Variants in HMCN1 observed in about 807,000 individuals in gnomAD.
HMCN1 encodes hemicentin-1.
A neutral mutation model predicts 625.9 loss-of-function variants in HMCN1; 321 were observed. The observed-to-expected ratio is 0.51, with a 90% confidence interval of 0.47 to 0.56. The LOEUF (loss-of-function observed/expected upper bound fraction) is 0.56, where lower values mean the gene tolerates loss of function less well. Ranked by LOEUF, HMCN1 falls within the 20% of genes least tolerant of loss-of-function variation. The probability of loss-of-function intolerance (pLI) is 0.00; values close to 1 mark genes in which losing one functional copy is unlikely to be tolerated. For synonymous variants in HMCN1, 2,425 were observed against 2,417.6 expected (o/e 1.00, Z -0.09); for missense variants, 6,588 against 6,887.3 (o/e 0.96, Z 1.54).
chr1:186,152,368 C>A (rs1650728451), intron 95 of HMCN1, among the ~76,000 whole-genome samples: 1 of 152,174 alleles, frequency 6.6e-6, no homozygotes, highest in African/African-American at 2.4e-5. Flanking sequence ...TTTTCATGGG[C>A]ATCCACTTAC....
intron 15 of HMCN1, among the ~76,000 whole-genome samples, chr1:185,976,393 AGTTGGAGGAG>A (rs969063239): frequency 9.2e-5 from 14 of 152,126 alleles, no homozygotes; most frequent in African/African-American, 3.4e-4. Flanking sequence ...GAGGCTGCAA[AGTTGGAGGAG>A]GTTCTTTAAC....
chr1:185,814,515 A>G (rs1386821580), intron 1 of HMCN1, among the ~76,000 whole-genome samples: 1 of 152,140 alleles, frequency 6.6e-6, no homozygotes, highest in Non-Finnish European at 1.5e-5. Flanking sequence ...CTAAAACAAT[A>G]ACTTAACCTA....
At chr1:186,159,783 G>T (rs1461163793) in intron 97 of HMCN1, among the ~76,000 whole-genome samples, 1 of 152,186 alleles carries the variant, frequency 6.6e-6, no homozygotes, top group Non-Finnish European at 1.5e-5. Flanking sequence ...CTTGATCATG[G>T]TGGATAAGCT....
At position 185,921,242 on chromosome 1, in the gene HMCN1, T is replaced by C. The variant is rs1334281053; in HGVS notation, c.901-1137T>C. Among the ~76,000 whole-genome samples, 10 of 152,324 alleles carry C rather than the reference T, an allele frequency of 6.6e-5. No homozygotes were observed. The East Asian group carries it at 1.7e-3, about 26-fold the overall frequency. On this transcript the variant is annotated intron_variant, in intron 6 of 106. Transcript: ENST00000271588. Reference sequence around the variant, plus strand: ...GCTAAGAATATAGCAACAGCTTTCATGATGATGGGTTTTTTTCTTCTTTCT... The same window carrying C: ...GCTAAGAATATAGCAACAGCTTTCACGATGATGGGTTTTTTTCTTCTTTCT...
At chr1:186,112,178 T>C (rs968950170) in intron 71 of HMCN1, among the ~76,000 whole-genome samples, 9 of 152,220 alleles carry the variant, frequency 5.9e-5, no homozygotes, top group African/African-American at 1.9e-4. Context: ...TTTGTGGTGG[T>C]TTATTTGCTT....
At chr1:185,933,116 C>A (rs1033020799) in intron 10 of HMCN1, among the ~76,000 whole-genome samples, 2 of 152,066 alleles carry the variant, frequency 1.3e-5, no homozygotes, top group Admixed American at 1.3e-4. Flanking sequence ...CTGTAACCCC[C>A]CTTAAAGATG....
In HMCN1 at chr1:186,078,138, A is replaced by C. The variant is rs931359585; in HGVS notation, c.8517A>C (p.Lys2839Asn). The C allele has an allele frequency of 6.2e-7, 1 of 1,613,698 alleles. No individual in the cohort carries two copies. Among genetic ancestry groups the C allele is most frequent in the African/African-American group, 1.3e-5 (1 of 74,932 alleles). Residue 2839 changes from lysine to asparagine, a missense_variant, in exon 55 of 107, where the codon AAA (lysine) becomes AAC (asparagine). Around this residue, in one of 3 missense-constraint regions of HMCN1, gnomAD observed 4,628 missense variants for 4,853.1 expected, o/e 0.95. Coordinates refer to ENST00000271588, the MANE Select transcript of HMCN1 (RefSeq NM_031935.3). The stretch of plus-strand genomic sequence containing the variant: ...GAGTGTTGCAGATTCCTCGGGCTAA[A>C]GTAGAAGATGCTGGGAGATACACAT... ...GGRVLQIPRA[K>N]VEDAGRYTCV...
intron 1 of HMCN1, among the ~76,000 whole-genome samples, chr1:185,772,560 A>G (rs560240259): frequency 6.6e-6 from 1 of 152,110 alleles, no homozygotes; most frequent in African/African-American, 2.4e-5. Context: ...ATATGTTTGT[A>G]TTGGGTATTC....
chr1:186,165,872 T>A (rs1351422374), intron 98 of HMCN1, among the ~76,000 whole-genome samples: 1 of 152,076 alleles, frequency 6.6e-6, no homozygotes, highest in Non-Finnish European at 1.5e-5. Context: ...AATACTTATC[T>A]CCTAGGAATT....
chr1:185,934,137 T>A (rs779312888), intron 11 of HMCN1, among the ~76,000 whole-genome samples: 47 of 152,322 alleles, frequency 3.1e-4, no homozygotes, highest in South Asian at 2.3e-3. Flanking sequence ...TGGATTTTTT[T>A]AAAAAATACT....
At chr1:186,001,203 A>G in intron 26 of HMCN1, 95 bp from the exon 27 acceptor site, 1 of 1,070,608 alleles carries the variant, frequency 9.3e-7, no homozygotes, top group Non-Finnish European at 1.4e-6. Context: ...GCCATCAAAT[A>G]TTTCAGAATT....
chr1:186,151,630 C>T lies in HMCN1; in HGVS notation c.14783C>T (p.Ser4928Phe). The change falls in exon 95 of 107, where the codon TCT (serine) becomes TTT (phenylalanine). Residue 4928 changes from serine (S) to phenylalanine (F), a missense_variant. Around this residue, in one of 3 missense-constraint regions of HMCN1, gnomAD observed 1,954 missense variants for 2,013.1 expected, o/e 0.97. Coordinates refer to ENST00000271588, the MANE Select transcript of HMCN1 (RefSeq NM_031935.3). ...SLGSAMRKIV[S>F]ILNPIYWTTA... Reference sequence around the variant, plus strand: ...GGTTCAGCAATGAGAAAGATAGTTTCTATTCTAAATCCCATTTATTGGACA... The same window carrying T: ...GGTTCAGCAATGAGAAAGATAGTTTTTATTCTAAATCCCATTTATTGGACA... The T allele has an allele frequency of 6.2e-7, 1 of 1,612,762 alleles. No homozygotes were observed.
At position 185,990,276 on chromosome 1, in the gene HMCN1, A is replaced by G. The variant is rs780864132; in HGVS notation, c.3210A>G (p.Val1070=). 6.2e-7 allele frequency: 1 copy of G among 1,613,690 alleles called. No individual in the cohort carries two copies. Among genetic ancestry groups the G allele is most frequent in the Non-Finnish European group, 8.5e-7 (1 of 1,179,564 alleles). Residue 1070 remains valine, a splice_region_variant and synonymous_variant, in exon 22 of 107, where the codon GTA becomes GTG. Coordinates refer to ENST00000271588, the MANE Select transcript of HMCN1 (RefSeq NM_031935.3). ...AKRKVQLTVY[V]RPRVFGDQRG... Reference sequence around the variant, plus strand: ...TTCCAAAACATGTGTTTATTTTAGTAAGGCCCAGAGTGTTTGGAGATCAAC... The same window carrying G: ...TTCCAAAACATGTGTTTATTTTAGTGAGGCCCAGAGTGTTTGGAGATCAAC...
At position 186,095,311 on chromosome 1, in the gene HMCN1, A is replaced by G. The variant is rs766461506; in HGVS notation, c.10363A>G (p.Met3455Val). ...ITVLKGSSTS[M>V]ACITDGTPAP... ...AGTTCTCAAAGGTAGTTCCACCTCT[A>G]TGGCATGCATTACTGATGGAACCCC... is the stretch of plus-strand genomic sequence containing the variant. The change falls in exon 68 of 107, where the codon ATG (methionine) becomes GTG (valine). Residue 3455 changes from methionine to valine, a missense_variant. Coordinates refer to ENST00000271588, the MANE Select transcript of HMCN1 (RefSeq NM_031935.3). The G allele has an allele frequency of 2.2e-5, 35 of 1,613,678 alleles. No individual in the cohort carries two copies. The East Asian group carries it at 3.3e-4, about 15-fold the overall frequency.
chr1:185,936,957 T>A (rs1482489063), intron 11 of HMCN1, among the ~76,000 whole-genome samples: 2 of 152,228 alleles, frequency 1.3e-5, no homozygotes, highest in Non-Finnish European at 2.9e-5. Context: ...ACACTAGTTT[T>A]GGATGAGTGT....
chr1:186,090,956 C>G (rs762186319), intron 64 of HMCN1, 39 bp downstream of exon 64: 14 of 1,574,844 alleles, frequency 8.9e-6, no homozygotes, highest in Non-Finnish European at 1.0e-5. Context: ...AAATTGTAAG[C>G]CCTTCTACAA....
chr1:186,028,106 AT>A (rs1384904761), intron 36 of HMCN1, among the ~76,000 whole-genome samples: 4 of 152,192 alleles, frequency 2.6e-5, no homozygotes, highest in Admixed American at 2.6e-4. Flanking sequence ...TAGATTGCTT[AT>A]GTACTACCTG....
chr1:185,899,946 A>C (rs2102430555), intron 4 of HMCN1, among the ~76,000 whole-genome samples: 1 of 152,182 alleles, frequency 6.6e-6, no homozygotes, highest in East Asian at 1.9e-4. Context: ...TATTGTGATA[A>C]TTAGATTTAA....
chr1:185,866,996 T>C (rs2102361488), intron 4 of HMCN1, among the ~76,000 whole-genome samples: 1 of 152,284 alleles, frequency 6.6e-6, no homozygotes, highest in African/African-American at 2.4e-5. Context: ...ATTAATTTCA[T>C]GACAGACTCC....
Sources: allele counts gnomAD v4.1 joint callset (sites outside exome capture counted in the v4.1 genomes callset), GRCh38; gene constraint gnomAD v4.1.1; regional missense constraint gnomAD v4.1.1; transcripts MANE v1.5; gene names NCBI Gene and HGNC (gene_info 2026-07-23, HGNC 2026-07-21).